The following VWA3B variants were observed in gnomAD, a reference collection of about 807,000 sequenced individuals.
VWA3B encodes von Willebrand factor A domain containing 3B, also known as von Willebrand factor A domain-containing protein 3B.
A neutral mutation model predicts 158.3 loss-of-function variants in VWA3B; 138 were observed. The observed-to-expected ratio is 0.87, with a 90% confidence interval of 0.76 to 1.00. The LOEUF (loss-of-function observed/expected upper bound fraction) is 1.00, where lower values mean the gene tolerates loss of function less well. VWA3B is among the 50% of genes least tolerant of loss of function. VWA3B has a pLI of 0.00. For missense variants in VWA3B, 1,555 were observed against 1,565.1 expected, an observed-to-expected ratio of 0.99 and a Z score of 0.11; for synonymous variants, 596 against 587.3, an observed-to-expected ratio of 1.01 and a Z score of -0.21.
intron 19 of VWA3B, among the ~76,000 whole-genome samples, chr2:98,244,643 A>T (rs1210645065): frequency 6.6e-6 from 1 of 152,154 alleles, no homozygotes; most frequent in African/African-American, 2.4e-5. Flanking sequence ...TTAATAAATG[A>T]TTATTTGGGA....
intron 12 of VWA3B, among the ~76,000 whole-genome samples, chr2:98,199,287 T>C (rs947629616): frequency 1.3e-5 from 2 of 152,204 alleles, no homozygotes; most frequent in Non-Finnish European, 2.9e-5. Flanking sequence ...TTATTTCCTG[T>C]TTTGGGTTTT....
chr2:98,304,405 C>T (rs1056795052), intron 26 of VWA3B, among the ~76,000 whole-genome samples: 1 of 152,096 alleles, frequency 6.6e-6, no homozygotes, highest in African/African-American at 2.4e-5. Flanking sequence ...GAGTCAAGGT[C>T]ATACAAAAAG....
intron 26 of VWA3B, among the ~76,000 whole-genome samples, chr2:98,311,243 T>G (rs2106027090): frequency 1.3e-5 from 2 of 152,360 alleles, no homozygotes; most frequent in Middle Eastern, 6.8e-3. Flanking sequence ...GGTGCCTTCT[T>G]TGAAGGACAG....
chr2:98,189,970 T>C lies in VWA3B; in HGVS notation c.1466+1841T>C, dbSNP rs150208323. On this transcript the variant is annotated intron_variant, in intron 10 of 27. Coordinates refer to ENST00000477737, the MANE Select transcript of VWA3B (RefSeq NM_144992.5). The stretch of plus-strand genomic sequence containing the variant: ...GGATTTCTTACAGACACAAGATATA[T>C]AATTATATATGAGCATTGTTTTATT... Among the ~76,000 whole-genome samples the C allele has an allele frequency of 2.1e-3, 320 of 152,322 alleles. 1 individual carries two copies. Among genetic ancestry groups the C allele is most frequent in the Middle Eastern group, 0.02 (6 of 294 alleles).
the VWA3B span, among the ~76,000 whole-genome samples, chr2:98,321,104 A>C: frequency 2.4e-4 from 36 of 152,250 alleles, no homozygotes; most frequent in Non-Finnish European, 4.4e-5. Context: ...CTGTTGCTTC[A>C]GAGGATGCAA....
intron 19 of VWA3B, among the ~76,000 whole-genome samples, chr2:98,249,125 C>T (rs1187164967): frequency 6.6e-6 from 1 of 152,034 alleles, no homozygotes; most frequent in African/African-American, 2.4e-5. Flanking sequence ...GAAACAATGA[C>T]AGTATAGCTT....
At chr2:98,157,753 C>T (rs1299957942) in intron 7 of VWA3B, among the ~76,000 whole-genome samples, 5 of 152,214 alleles carry the variant, frequency 3.3e-5, no homozygotes, top group African/African-American at 9.7e-5. Context: ...ACCAGTTCTT[C>T]ACCGGAGAGT....
intron 21 of VWA3B, among the ~76,000 whole-genome samples, chr2:98,261,531 C>G (rs1460465620): frequency 6.6e-6 from 1 of 151,696 alleles, no homozygotes; most frequent in Non-Finnish European, 1.5e-5. Context: ...GAATTATCTT[C>G]CAGTATCCTT....
Position 98,312,004 on chromosome 2 carries a change from C to A in VWA3B, c.3707C>A (p.Ser1236Tyr). ...GSSHGISSHG[S>Y]CQGTHPEPRT... ...TCCCACGGCATCAGCTCCCATGGGT[C>A]CTGCCAGGGGACACACCCCGAGCCC... is the stretch of plus-strand genomic sequence containing the variant. The change falls in exon 27 of 28, where the codon TCC becomes TAC. Residue 1236 changes from serine to tyrosine, a missense_variant. Coordinates refer to ENST00000477737, the MANE Select transcript of VWA3B (RefSeq NM_144992.5). 1 of 1,601,932 alleles carries A rather than the reference C, an allele frequency of 6.2e-7. No homozygotes were observed. Among genetic ancestry groups the A allele is most frequent in the Non-Finnish European group, 8.5e-7 (1 of 1,174,160 alleles).
rs1676053342 is a variant in VWA3B, at chr2:98,133,859, A to C, written c.908A>C (p.Glu303Ala). 1.2e-6 allele frequency: 2 copies of C among 1,614,004 alleles called. No homozygotes were observed. The highest frequency in any genetic ancestry group is 2.2e-5 in the East Asian group (1 of 44,892). The change falls in exon 7 of 28, where the codon GAA (glutamate) becomes GCA (alanine). Residue 303 changes from glutamate (E) to alanine (A), a missense_variant. Physicochemically the swap from Glu to Ala is moderately radical, Grantham distance 107. Coordinates refer to ENST00000477737, the MANE Select transcript of VWA3B (RefSeq NM_144992.5). ...TTTGCCGAGAGAACAGAGTGTGTAG[A>C]ATTTCCTGCATTCTCCACAAAGGAT... ...HAFAERTECV[E>A]FPAFSTKDGD...
intron 19 of VWA3B, among the ~76,000 whole-genome samples, chr2:98,242,686 T>C (rs1686155147): frequency 6.7e-6 from 1 of 148,536 alleles, no homozygotes; most frequent in African/African-American, 2.5e-5. Context: ...TGAAGGACCA[T>C]GGCAAGCTCC....
chr2:98,148,208 A>G (rs753590953), intron 7 of VWA3B, among the ~76,000 whole-genome samples: 3 of 152,236 alleles, frequency 2.0e-5, no homozygotes, highest in Non-Finnish European at 4.4e-5. Context: ...TTTCCAAAAA[A>G]TACTTTAAGA....
chr2:98,186,857 A>G (rs574768622), intron 9 of VWA3B, among the ~76,000 whole-genome samples: 1 of 152,220 alleles, frequency 6.6e-6, no homozygotes, highest in South Asian at 2.1e-4. Flanking sequence ...CCCTGGGAAG[A>G]GTCCTTTTTC....
At chr2:98,319,646 G>T in the VWA3B span, among the ~76,000 whole-genome samples, 1 of 152,202 alleles carries the variant, frequency 6.6e-6, no homozygotes, top group African/African-American at 2.4e-5. Context: ...TTGGGAGTCT[G>T]AGATGGGTGG....
chr2:98,296,906 T>C (rs1337493848), intron 23 of VWA3B, among the ~76,000 whole-genome samples: 2 of 150,616 alleles, frequency 1.3e-5, no homozygotes, highest in African/African-American at 2.4e-5. Context: ...AACAAAATTA[T>C]TATATAATTA....
rs1690990879 is a variant in VWA3B, at chr2:98,312,791, T to C, written c.*442T>C. The C allele has an allele frequency of 6.2e-6, 1 of 161,110 alleles. No individual in the cohort carries two copies. The allele number at this position is 161,110 out of a possible 1,614,324, so 10.0% of individuals were successfully genotyped here. A position where few individuals can be genotyped will look rare whatever the true frequency, so the allele number is the denominator to read the frequency against. On this transcript the variant is annotated 3_prime_UTR_variant, in exon 28 of 28. Transcript: ENST00000477737. The stretch of plus-strand genomic sequence containing the variant: ...ACTGAAATTCAGACTCGGTAACTTG[T>C]CTGAGATCTGCAAGACTGAACATCC...
chr2:98,317,240 C>G (rs756451868), downstream of VWA3B, among the ~76,000 whole-genome samples: 11 of 152,154 alleles, frequency 7.2e-5, no homozygotes, highest in Non-Finnish European at 1.5e-4. Flanking sequence ...TCATGTATTA[C>G]TATAACACAA....
At chr2:98,328,917 C>T in the VWA3B span, among the ~76,000 whole-genome samples, 572 of 152,208 alleles carry the variant, frequency 3.8e-3, 4 homozygotes, top group African/African-American at 0.013. Flanking sequence ...GGGATTTAAC[C>T]TACCTCATCT....
At chr2:98,093,945 C>T (rs1682536583) in intron 2 of VWA3B, among the ~76,000 whole-genome samples, 1 of 152,074 alleles carries the variant, frequency 6.6e-6, no homozygotes, top group African/African-American at 2.4e-5. Context: ...CCTTGAGGTT[C>T]GTTCACGTAG....
Sources: allele counts gnomAD v4.1 joint callset (sites outside exome capture counted in the v4.1 genomes callset), GRCh38; gene constraint gnomAD v4.1.1; transcripts MANE v1.5; gene names NCBI Gene and HGNC (gene_info 2026-07-23, HGNC 2026-07-21).